The following GRIK4 variants were observed in gnomAD, a reference collection of about 807,000 sequenced individuals.
GRIK4 encodes glutamate ionotropic receptor kainate type subunit 4, also known as glutamate receptor ionotropic, kainate 4.
A neutral mutation model predicts 104.9 loss-of-function variants in GRIK4; 40 were observed. That is an observed-to-expected ratio of 0.38 (90% CI 0.30 to 0.50). The LOEUF (loss-of-function observed/expected upper bound fraction) is 0.50, where lower values mean the gene tolerates loss of function less well. GRIK4 is among the 20% of genes least tolerant of loss of function. GRIK4 has a pLI of 0.93. For missense variants in GRIK4, 1,047 were observed against 1,308.1 expected, an observed-to-expected ratio of 0.80 and a Z score of 3.08; for synonymous variants, 485 against 524.9, an observed-to-expected ratio of 0.92 and a Z score of 1.04.
At chr11:120,928,729 T>G (rs2134597788) in intron 13 of GRIK4, among the ~76,000 whole-genome samples, 1 of 152,226 alleles carries the variant, frequency 6.6e-6, no homozygotes, top group Non-Finnish European at 1.5e-5. Flanking sequence ...AACTAAATAT[T>G]TCATGGGGAC....
rs779345327 is a variant in GRIK4, at chr11:120,802,761, C to T, written c.151C>T (p.Arg51Cys). 44 of 1,613,962 alleles carry T rather than the reference C, an allele frequency of 2.7e-5. No individual in the cohort carries two copies. In the South Asian group the frequency reaches 4.3e-4, roughly 16 times the overall value. ...GCTCTCCATCACCCTGGCCAAGAAC[C>T]GCATCAACCGCGCTCCTGAGAGGCT... The part of the protein sequence containing the change: ...ERLSITLAKN[R>C]INRAPERLGK... The change falls in exon 4 of 21, where the codon CGC becomes TGC. Residue 51 changes from arginine to cysteine, a missense_variant. Arg to Cys is a radical substitution (Grantham distance 180, BLOSUM62 -3). Around this residue, in one of 3 missense-constraint regions of GRIK4, gnomAD observed 447 missense variants for 514.9 expected, o/e 0.87. Transcript: ENST00000527524.
intron 1 of GRIK4, among the ~76,000 whole-genome samples, chr11:120,581,626 C>T (rs1377275297): frequency 6.6e-6 from 1 of 152,114 alleles, no homozygotes; most frequent in Admixed American, 6.5e-5. Flanking sequence ...AATTTGACTA[C>T]TCTAGATACC....
At chr11:120,743,419 C>T (rs994201190) in intron 3 of GRIK4, among the ~76,000 whole-genome samples, 4 of 152,048 alleles carry the variant, frequency 2.6e-5, no homozygotes, top group African/African-American at 9.6e-5. Flanking sequence ...CAGGGGTCTA[C>T]TTGAGGGTGG....
chr11:120,775,050 C>T (rs1952014257), intron 3 of GRIK4, among the ~76,000 whole-genome samples: 1 of 152,192 alleles, frequency 6.6e-6, no homozygotes, highest in Non-Finnish European at 1.5e-5. Flanking sequence ...TTCCCCTCCT[C>T]TGCCCTTGGC....
chr11:120,878,774 CT>C (rs1954886634), intron 11 of GRIK4, among the ~76,000 whole-genome samples: 1 of 152,198 alleles, frequency 6.6e-6, no homozygotes, highest in Non-Finnish European at 1.5e-5. Context: ...ACCGCCCGAT[CT>C]TTGCCTCTTG....
At chr11:120,662,328 G>T (rs1949830969) in intron 3 of GRIK4, among the ~76,000 whole-genome samples, 1 of 152,312 alleles carries the variant, frequency 6.6e-6, no homozygotes, top group African/African-American at 2.4e-5. Flanking sequence ...CTGCTGGCTG[G>T]CAAGGTCAAA....
At chr11:120,907,692 A>C (rs1184485457) in intron 13 of GRIK4, among the ~76,000 whole-genome samples, 1 of 152,092 alleles carries the variant, frequency 6.6e-6, no homozygotes, top group Admixed American at 6.5e-5. Context: ...AGCTGTGATA[A>C]GTGCAGGGGA....
At chr11:120,662,850 C>T (rs1473509322) in intron 3 of GRIK4, among the ~76,000 whole-genome samples, 1 of 152,166 alleles carries the variant, frequency 6.6e-6, no homozygotes, top group Non-Finnish European at 1.5e-5. Flanking sequence ...CTCAGCCCCA[C>T]TTGTCTGCTG....
intron 1 of GRIK4, among the ~76,000 whole-genome samples, chr11:120,578,728 G>T (rs1948521895): frequency 6.6e-6 from 1 of 152,228 alleles, no homozygotes; most frequent in Non-Finnish European, 1.5e-5. Context: ...GCTGAGGGTT[G>T]CACCCAGCTG....
rs771517975 is a variant in GRIK4 at position 120,528,633 on chromosome 11, G to A, written c.-159+16746G>A. Among the ~76,000 whole-genome samples, 8 of 152,192 alleles carry A rather than the reference G, an allele frequency of 5.3e-5. 1 individual carries two copies. The highest frequency in any genetic ancestry group is 6.3e-3 in the Middle Eastern group (2 of 316). ...GGGGTTAATGAAGTTACAGTTCCAC[G>A]TGGCTGGGGAGGCCTCACAATCATG... On this transcript the variant is annotated intron_variant, in intron 1 of 20. Transcript: ENST00000527524.
chr11:120,719,177 A>G (rs909275209), intron 3 of GRIK4, among the ~76,000 whole-genome samples: 2 of 152,234 alleles, frequency 1.3e-5, no homozygotes, highest in Non-Finnish European at 2.9e-5. Context: ...TTCTGCAGAG[A>G]CACCATCAAT....
chr11:120,930,010 G>T (rs956795856), intron 13 of GRIK4, among the ~76,000 whole-genome samples: 1 of 152,088 alleles, frequency 6.6e-6, no homozygotes, highest in Admixed American at 6.5e-5. Context: ...TTTGGGGGGG[G>T]GGTCCCCTCC....
intron 1 of GRIK4, among the ~76,000 whole-genome samples, chr11:120,520,653 A>C (rs1337486167): frequency 6.6e-6 from 1 of 152,212 alleles, no homozygotes; most frequent in East Asian, 1.9e-4. Flanking sequence ...CACCTCCTCC[A>C]AGGGCCTGGC....
intron 5 of GRIK4, among the ~76,000 whole-genome samples, chr11:120,818,725 G>A (rs1395829461): frequency 1.3e-5 from 2 of 152,174 alleles, no homozygotes; most frequent in Non-Finnish European, 2.9e-5. Flanking sequence ...TAAGTTGTGG[G>A]CCAGAGCAGG....
At chr11:120,596,287 A>T (rs1190100037) in intron 1 of GRIK4, among the ~76,000 whole-genome samples, 1 of 152,254 alleles carries the variant, frequency 6.6e-6, no homozygotes, top group African/African-American at 2.4e-5. Context: ...TTGAGGTTAT[A>T]AAGATGAAAA....
intron 11 of GRIK4, among the ~76,000 whole-genome samples, chr11:120,898,289 T>C (rs1424232072): frequency 6.6e-6 from 1 of 152,162 alleles, no homozygotes; most frequent in African/African-American, 2.4e-5. Flanking sequence ...TATTTCTCCA[T>C]TTTCCTCTCC....
chr11:120,840,536 G>A (rs559849111), intron 8 of GRIK4, among the ~76,000 whole-genome samples: 2 of 152,268 alleles, frequency 1.3e-5, no homozygotes, highest in Admixed American at 6.5e-5. Context: ...GAACTTGACA[G>A]GTAAATTGAC....
intron 1 of GRIK4, among the ~76,000 whole-genome samples, chr11:120,534,270 C>A (rs892270979): frequency 2.0e-5 from 3 of 152,098 alleles, no homozygotes; most frequent in Admixed American, 6.6e-5. Flanking sequence ...ATGGGAGGAC[C>A]AGATTGCAGA....
At chr11:120,795,630 A>C (rs1952495849) in intron 3 of GRIK4, among the ~76,000 whole-genome samples, 1 of 152,258 alleles carries the variant, frequency 6.6e-6, no homozygotes, top group Admixed American at 6.5e-5. Flanking sequence ...AAAGATAGAC[A>C]AATCAGCATA....
Sources: allele counts gnomAD v4.1 joint callset (sites outside exome capture counted in the v4.1 genomes callset), GRCh38; gene constraint gnomAD v4.1.1; regional missense constraint gnomAD v4.1.1; transcripts MANE v1.5; gene names NCBI Gene and HGNC (gene_info 2026-07-23, HGNC 2026-07-21).